Variants in ITGAE observed in about 807,000 individuals in gnomAD.
ITGAE encodes the protein integrin subunit alpha E.
Under a neutral mutation model 136.5 loss-of-function variants are expected in ITGAE, and 99 were observed. The ratio of observed to expected loss-of-function variants is 0.73; its 90% CI spans 0.62 to 0.86. The LOEUF is 0.86. Among genes scored for constraint, ITGAE ranks in the 40% least tolerant of loss-of-function variants. The pLI, the probability that ITGAE is intolerant of heterozygous loss-of-function variation, is 0.00. For synonymous variants in ITGAE, 613 were observed against 591.8 expected, an observed-to-expected ratio of 1.04 and a Z score of -0.52; for missense variants, 1,447 against 1,515.3, an observed-to-expected ratio of 0.95 and a Z score of 0.75.
At chr17:3,715,810 C>T (rs1277406225) in intron 30 of ITGAE, among the ~76,000 whole-genome samples, 1 of 151,906 alleles carries the variant, frequency 6.6e-6, no homozygotes, top group African/African-American at 2.4e-5. Context: ...TGCAGTGAGC[C>T]CTTAACTGTG....
rs948252341 is a variant in ITGAE, at chr17:3,751,758, C to T, written c.1785G>A (p.Val595=). Residue 595 remains valine, a synonymous_variant, in exon 15 of 31, where the codon GTG becomes GTA. Coordinates refer to ENST00000263087, the MANE Select transcript of ITGAE (RefSeq NM_002208.5). ...AACCTTCCAGGGGGGCCCCGATGGC[C>T]ACATCTGTGAGCTTATCCTGACTGA... The part of the protein sequence containing the change: ...GDLSQDKLTD[V]AIGAPLEGFG... 3 of 1,613,992 alleles carry T rather than the reference C, an allele frequency of 1.9e-6. No homozygotes were observed. In the African/African-American group the frequency reaches 4.0e-5, roughly 22 times the overall value.
chr17:3,770,053 C>T (rs1597351812), intron 2 of ITGAE, among the ~76,000 whole-genome samples: 1 of 151,710 alleles, frequency 6.6e-6, no homozygotes, highest in Non-Finnish European at 1.5e-5. Flanking sequence ...TGACTTGAAG[C>T]TCACATCTTG....
At chr17:3,738,346 T>C (rs553541197) in intron 20 of ITGAE, among the ~76,000 whole-genome samples, 1 of 152,174 alleles carries the variant, frequency 6.6e-6, no homozygotes, top group Admixed American at 6.6e-5. Flanking sequence ...AATTTTTGTA[T>C]TTTTAGTAGA....
At chr17:3,725,225 T>C in intron 26 of ITGAE, 1 of 1,614,158 alleles carries the variant, frequency 6.2e-7, no homozygotes, top group Non-Finnish European at 8.5e-7. Flanking sequence ...ACAGAACAAG[T>C]GGTGCTCCGT....
intron 28 of ITGAE, among the ~76,000 whole-genome samples, chr17:3,722,224 G>C (rs1440613673): frequency 6.6e-6 from 1 of 151,808 alleles, no homozygotes; most frequent in Non-Finnish European, 1.5e-5. Flanking sequence ...GCTCACGCCT[G>C]TAATCCCAGC....
At chr17:3,784,035 C>T (rs945038063) in intron 1 of ITGAE, among the ~76,000 whole-genome samples, 25 of 152,066 alleles carry the variant, frequency 1.6e-4, no homozygotes, top group Non-Finnish European at 2.5e-4. Flanking sequence ...CCGAGGCGGG[C>T]GGATCACGAG....
In ITGAE at chr17:3,772,972, C is replaced by T. The variant is rs138068353; in HGVS notation, c.155+4568G>A. On this transcript the variant is annotated intron_variant, in intron 2 of 30. Coordinates refer to ENST00000263087, the MANE Select transcript of ITGAE (RefSeq NM_002208.5). The stretch of plus-strand genomic sequence containing the variant: ...AAGGTCCTCACGTTCAACTCAATTC[C>T]GACATGCTCCACCTGGAGGTAGCAT... 1.5e-4 allele frequency among the ~76,000 whole-genome samples: 23 copies of T among 152,222 alleles called. No homozygotes were observed. The East Asian group carries it at 3.3e-3, about 22-fold the overall frequency.
At chr17:3,723,954 G>C in intron 26 of ITGAE, 1 of 1,565,862 alleles carries the variant, frequency 6.4e-7, no homozygotes, top group Non-Finnish European at 8.7e-7. Context: ...TTCGCTCCCG[G>C]GACCTGGGAG....
intron 2 of ITGAE, among the ~76,000 whole-genome samples, chr17:3,774,236 T>C (rs2052490143): frequency 1.3e-5 from 2 of 151,874 alleles, no homozygotes; most frequent in Admixed American, 1.3e-4. Context: ...AAGGAAACCC[T>C]TGACCACTGA....
chr17:3,794,923 G>A (rs1011742079), intron 1 of ITGAE, among the ~76,000 whole-genome samples: 5 of 151,662 alleles, frequency 3.3e-5, no homozygotes, highest in Non-Finnish European at 5.9e-5. Context: ...GGGCGTCCGT[G>A]GCACCCCCCC....
intron 22 of ITGAE, among the ~76,000 whole-genome samples, chr17:3,732,091 A>AACAG (rs2051357660): frequency 6.6e-6 from 1 of 150,854 alleles, no homozygotes; most frequent in African/African-American, 2.5e-5. Context: ...CAAACAAACA[A>AACAG]AAAAACTTTT....
Position 3,755,216 on chromosome 17 carries a change from C to T in ITGAE, c.1285G>A (p.Gly429Arg). 2 of 1,577,610 alleles carry T rather than the reference C, an allele frequency of 1.3e-6. No homozygotes were observed. Among genetic ancestry groups the T allele is most frequent in the African/African-American group, 1.3e-5 (1 of 74,108 alleles). The change falls in exon 12 of 31, where the codon GGG (glycine) becomes AGG (arginine). Residue 429 changes from glycine to arginine, a missense_variant. Transcript: ENST00000263087. ...CTGCGTGTGTCGTAGAGCAACGCCCCTCCGGACCAGTCAAAGGCCCCGACG... is the reference window on the plus strand; with the variant it reads ...CTGCGTGTGTCGTAGAGCAACGCCCTTCCGGACCAGTCAAAGGCCCCGACG... The part of the protein sequence containing the change: ...GAVGAFDWSG[G>R]ALLYDTRSRR...
intron 10 of ITGAE, 44 bp downstream of exon 10, chr17:3,756,940 T>C (rs200025825): frequency 8.1e-4 from 1,273 of 1,577,512 alleles, no homozygotes; most frequent in Non-Finnish European, 1.1e-3. Flanking sequence ...GGCTGGAGCA[T>C]AGGCTCGGGC....
At chr17:3,727,770 C>T (rs2051248289) in intron 26 of ITGAE, 149 bp downstream of exon 26, 1 of 635,602 alleles carries the variant, frequency 1.6e-6, no homozygotes, top group South Asian at 1.9e-5. Context: ...ATTGAGAGTC[C>T]TTCTGAACAG....
Position 3,748,062 on chromosome 17 carries a change from A to C in ITGAE, c.2025-10T>G. On this transcript the variant is annotated splice_polypyrimidine_tract_variant and intron_variant, in intron 16 of 30. Coordinates refer to ENST00000263087, the MANE Select transcript of ITGAE (RefSeq NM_002208.5). ...AACCACAGGCCGGGAGCTAAACAAG[A>C]CAGCAAAGAGGATGGGAGAAGTGAC... 1 of 1,603,700 alleles carries C rather than the reference A, an allele frequency of 6.2e-7. No individual in the cohort carries two copies. The highest frequency in any genetic ancestry group is 8.5e-7 in the Non-Finnish European group (1 of 1,173,620).
At chr17:3,771,534 C>CTTTT (rs71312930) in intron 2 of ITGAE, among the ~76,000 whole-genome samples, 9 of 123,232 alleles carry the variant, frequency 7.3e-5, no homozygotes, top group African/African-American at 1.8e-4. Flanking sequence ...GCATTTTTCT[C>CTTTT]TTTTTTTTTT....
At chr17:3,746,883 A>G (rs1226187565) in intron 17 of ITGAE, among the ~76,000 whole-genome samples, 7 of 152,036 alleles carry the variant, frequency 4.6e-5, no homozygotes, top group Admixed American at 6.6e-5. Flanking sequence ...GAGCTACCAC[A>G]CCCGGCCAGG....
intron 6 of ITGAE, among the ~76,000 whole-genome samples, chr17:3,760,601 G>T (rs1442149087): frequency 6.6e-6 from 1 of 151,744 alleles, no homozygotes; most frequent in Non-Finnish European, 1.5e-5. Context: ...ACCATGCCTG[G>T]CTAATTTTTG....
chr17:3,730,978 T>C, intron 23 of ITGAE, 126 bp downstream of exon 23: 1 of 660,264 alleles, frequency 1.5e-6, no homozygotes, highest in Non-Finnish European at 2.7e-6. Flanking sequence ...ATGCCTTCTG[T>C]GGGCTCACTG....
Sources: allele counts gnomAD v4.1 joint callset (sites outside exome capture counted in the v4.1 genomes callset), GRCh38; gene constraint gnomAD v4.1.1; transcripts MANE v1.5; gene names NCBI Gene and HGNC (gene_info 2026-07-23, HGNC 2026-07-21).